LPCAT2: variants seen among roughly 807,000 people sequenced by gnomAD.
LPCAT2 encodes the protein 1-AGP acyltransferase 11.
LPCAT2 carries 58 observed loss-of-function variants against 64.7 expected under a neutral mutation model. That is an observed-to-expected ratio of 0.90 (90% confidence interval 0.73 to 1.12). The LOEUF (loss-of-function observed/expected upper bound fraction) is 1.12. Among genes scored for constraint, LPCAT2 ranks in the 50% most tolerant of loss-of-function variants. The probability of loss-of-function intolerance (pLI) is 0.00; values close to 1 mark genes in which losing one functional copy is unlikely to be tolerated. For synonymous variants in LPCAT2, 252 were observed against 245.3 expected, an observed-to-expected ratio of 1.03 and a Z score of -0.26; for missense variants, 579 against 669.8, an observed-to-expected ratio of 0.86 and a Z score of 1.50.
intron 11 of LPCAT2, among the ~76,000 whole-genome samples, chr16:55,573,265 C>G (rs1457747680): frequency 6.6e-6 from 1 of 152,204 alleles, no homozygotes; most frequent in Non-Finnish European, 1.5e-5. Context: ...GGCTTCACAG[C>G]CCTTCCTTCC....
intron 9 of LPCAT2, among the ~76,000 whole-genome samples, chr16:55,546,132 GTGA>G (rs1203715477): frequency 6.6e-6 from 1 of 152,088 alleles, no homozygotes; most frequent in Non-Finnish European, 1.5e-5. Context: ...GATGAGCCTT[GTGA>G]TGATCTCAGT....
chr16:55,511,818 T>C lies in LPCAT2; in HGVS notation c.171+2466T>C, dbSNP rs555949191. 2.2e-4 allele frequency among the ~76,000 whole-genome samples: 33 copies of C among 152,346 alleles called. 1 individual carries two copies. The South Asian group carries it at 6.0e-3, about 28-fold the overall frequency. ...TCAGTGTAGACATGAGTGACTCTTA[T>C]GCTAATATACTTTAAACTCATTCCA... On this transcript the variant is annotated intron_variant, in intron 1 of 13. Transcript: ENST00000262134.
rs1963204046 is a variant in LPCAT2, at chr16:55,528,462, G to C, written c.397G>C (p.Ala133Pro). ...GFIVAVKGKI[A>P]SPLEAPVFVA... ...TATAGTTGCTGTAAAAGGAAAGATT[G>C]CAAGTCCTTTGGAAGCACCAGTTTT... The change falls in exon 3 of 14, where the codon GCA (alanine) becomes CCA (proline). Residue 133 changes from alanine to proline, a missense_variant. Ala to Pro is a conservative substitution (Grantham distance 27, BLOSUM62 -1). Transcript: ENST00000262134. 6.2e-7 allele frequency: 1 copy of C among 1,614,016 alleles called. No individual in the cohort carries two copies. The highest frequency in any genetic ancestry group is 8.5e-7 in the Non-Finnish European group (1 of 1,179,940).
intron 4 of LPCAT2, among the ~76,000 whole-genome samples, chr16:55,531,443 A>C (rs1963251688): frequency 6.6e-6 from 1 of 152,188 alleles, no homozygotes; most frequent in Admixed American, 6.6e-5. Context: ...ATTCAAGTAA[A>C]CATGAAGCAC....
At chr16:55,520,395 A>T (rs1963078450) in intron 1 of LPCAT2, among the ~76,000 whole-genome samples, 3 of 152,102 alleles carry the variant, frequency 2.0e-5, no homozygotes, top group Admixed American at 2.0e-4. Flanking sequence ...AATTGAGAAA[A>T]CTAAACAAAG....
At chr16:55,561,062 G>A (rs1226740588) in intron 11 of LPCAT2, among the ~76,000 whole-genome samples, 2 of 151,886 alleles carry the variant, frequency 1.3e-5, no homozygotes, top group African/African-American at 4.8e-5. Flanking sequence ...TTATATAAAT[G>A]GAATCCTATA....
rs1963932737 is a variant in LPCAT2 at position 55,585,309 on chromosome 16, T to C, written c.*2211T>C. ...AAACTTTATGAAATGTCAGAAATGA[T>C]TTTACTCTAATGAAACTCAAATTTT... On this transcript the variant is annotated 3_prime_UTR_variant, in exon 14 of 14. Transcript: ENST00000262134. 1 of 152,192 alleles carries C rather than the reference T, an allele frequency of 6.6e-6. No homozygotes were observed. The highest frequency in any genetic ancestry group is 2.4e-5 in the African/African-American group (1 of 41,468). The allele number at this position is 152,192 out of a possible 1,614,324, so 9.4% of individuals were successfully genotyped here. A position where few individuals can be genotyped will look rare whatever the true frequency, so the allele number is the denominator to read the frequency against.
At chr16:55,560,876 T>G (rs1262400020) in intron 11 of LPCAT2, among the ~76,000 whole-genome samples, 2 of 152,086 alleles carry the variant, frequency 1.3e-5, no homozygotes, top group Non-Finnish European at 1.5e-5. Context: ...ATTTTTTTTT[T>G]GTAAATTTAC....
chr16:55,550,087 A>G (rs191117887), intron 10 of LPCAT2, among the ~76,000 whole-genome samples: 226 of 152,352 alleles, frequency 1.5e-3, no homozygotes, highest in African/African-American at 5.2e-3. Context: ...GTTCAGTATT[A>G]AAGTATAATA....
chr16:55,537,324 G>A (rs1963335502), intron 7 of LPCAT2, among the ~76,000 whole-genome samples: 1 of 151,788 alleles, frequency 6.6e-6, no homozygotes, highest in Non-Finnish European at 1.5e-5. Flanking sequence ...CCAGGAGGTT[G>A]AGGCTGCAGT....
chr16:55,556,756 A>AT (rs1567402270), intron 11 of LPCAT2, among the ~76,000 whole-genome samples: 1 of 152,232 alleles, frequency 6.6e-6, no homozygotes, highest in African/African-American at 2.4e-5. Context: ...TCAAAAAAAA[A>AT]AGAGAAAGAA....
At chr16:55,582,174 C>G (rs1488553430) in intron 13 of LPCAT2, among the ~76,000 whole-genome samples, 2 of 152,048 alleles carry the variant, frequency 1.3e-5, no homozygotes, top group African/African-American at 4.8e-5. Flanking sequence ...ATAAAGTGAA[C>G]ACCCATGTAA....
intron 11 of LPCAT2, among the ~76,000 whole-genome samples, chr16:55,552,968 G>C (rs992117178): frequency 6.6e-6 from 1 of 152,208 alleles, no homozygotes; most frequent in African/African-American, 2.4e-5. Flanking sequence ...GGGTTCAGTG[G>C]CTCATGCCTG....
intron 11 of LPCAT2, among the ~76,000 whole-genome samples, chr16:55,557,456 G>A (rs1304629238): frequency 1.3e-5 from 2 of 152,132 alleles, no homozygotes; most frequent in Non-Finnish European, 2.9e-5. Flanking sequence ...ATTTAGCAGA[G>A]GGAAGTTTGA....
chr16:55,517,715 A>C (rs1258352985), intron 1 of LPCAT2, among the ~76,000 whole-genome samples: 1 of 152,206 alleles, frequency 6.6e-6, no homozygotes, highest in Non-Finnish European at 1.5e-5. Flanking sequence ...CACCATATTT[A>C]ATGAATAAAG....
chr16:55,565,909 G>T (rs771065285), intron 11 of LPCAT2, among the ~76,000 whole-genome samples: 14 of 152,024 alleles, frequency 9.2e-5, no homozygotes, highest in Non-Finnish European at 2.1e-4. Flanking sequence ...TAATGAAAAA[G>T]GAATAAATGA....
chr16:55,548,676 C>G (rs181799850), intron 9 of LPCAT2, among the ~76,000 whole-genome samples: 1 of 151,886 alleles, frequency 6.6e-6, no homozygotes, highest in Non-Finnish European at 1.5e-5. Context: ...GTGTGCCTCA[C>G]GTAATTTTTA....
At chr16:55,564,224 A>T (rs1963667277) in intron 11 of LPCAT2, among the ~76,000 whole-genome samples, 2 of 152,000 alleles carry the variant, frequency 1.3e-5, no homozygotes, top group African/African-American at 4.8e-5. Flanking sequence ...AAATGGAAAG[A>T]TATTCCATGT....
intron 3 of LPCAT2, among the ~76,000 whole-genome samples, chr16:55,528,853 G>A (rs2142379285): frequency 6.6e-6 from 1 of 152,096 alleles, no homozygotes; most frequent in Middle Eastern, 3.4e-3. Context: ...TATATAGCCA[G>A]AAAGACTAGT....
Sources: allele counts gnomAD v4.1 joint callset (sites outside exome capture counted in the v4.1 genomes callset), GRCh38; gene constraint gnomAD v4.1.1; transcripts MANE v1.5; gene names NCBI Gene and HGNC (gene_info 2026-07-23, HGNC 2026-07-21).